Variants in TRPM8 observed in about 807,000 individuals in gnomAD.
TRPM8 encodes the protein transient receptor potential cation channel subfamily M member 8.
TRPM8 carries 110 observed loss-of-function variants against 133.7 expected under a neutral mutation model. The observed-to-expected ratio is 0.82, with a 90% CI of 0.70 to 0.96. The LOEUF is 0.96. Ranked by LOEUF, TRPM8 falls within the 40% of genes least tolerant of loss-of-function variation. TRPM8 has a pLI of 0.00. For missense variants in TRPM8, 1,291 were observed against 1,379.5 expected (o/e 0.94, Z 1.02); for synonymous variants, 535 against 532.3 (o/e 1.01, Z -0.07).
chr2:233,960,056 T>C (rs1404684241), intron 11 of TRPM8, among the ~76,000 whole-genome samples: 1 of 152,014 alleles, frequency 6.6e-6, no homozygotes, highest in Non-Finnish European at 1.5e-5. Context: ...ATGCTGGTGA[T>C]CTTTCTTAAG....
chr2:233,979,072 G>A (rs1409979394), intron 17 of TRPM8, among the ~76,000 whole-genome samples: 1 of 152,124 alleles, frequency 6.6e-6, no homozygotes, highest in Non-Finnish European at 1.5e-5. Flanking sequence ...AGCCTCTCTA[G>A]GCTGTGATTT....
At chr2:233,939,812 C>G (rs1690860459) in intron 5 of TRPM8, among the ~76,000 whole-genome samples, 1 of 152,146 alleles carries the variant, frequency 6.6e-6, no homozygotes, top group South Asian at 2.1e-4. Context: ...TGGGGGGAAC[C>G]GTTGAAAGCA....
Position 233,976,980 on chromosome 2 carries a change from A to G in TRPM8, c.2356-3208A>G, listed in dbSNP as rs934354147. Reference sequence around the variant, plus strand: ...GGTGCTGTCTTAATTAACCTAGTTTACACTTGTTAGGGGAAAAAAAGAAAA... The same window carrying G: ...GGTGCTGTCTTAATTAACCTAGTTTGCACTTGTTAGGGGAAAAAAAGAAAA... On this transcript the variant is annotated intron_variant, in intron 17 of 25. Transcript: ENST00000324695. Among the ~76,000 whole-genome samples, 5 of 152,100 alleles carry G rather than the reference A, an allele frequency of 3.3e-5. 1 individual carries two copies. Among genetic ancestry groups the G allele is most frequent in the African/African-American group, 1.2e-4 (5 of 41,418 alleles).
chr2:233,951,867 A>C (rs944939212), intron 9 of TRPM8, among the ~76,000 whole-genome samples: 2 of 152,180 alleles, frequency 1.3e-5, no homozygotes, highest in African/African-American at 4.8e-5. Flanking sequence ...ATTCAGGCAA[A>C]TATTAATTAG....
intron 5 of TRPM8, among the ~76,000 whole-genome samples, chr2:233,939,704 T>C (rs1010869299): frequency 2.0e-5 from 3 of 152,256 alleles, no homozygotes; most frequent in African/African-American, 7.2e-5. Flanking sequence ...GCAAGAATAA[T>C]GCAATGAACA....
chr2:233,918,953 G>T (rs1423928938), intron 1 of TRPM8, among the ~76,000 whole-genome samples: 2 of 152,090 alleles, frequency 1.3e-5, no homozygotes, highest in Non-Finnish European at 2.9e-5. Context: ...TTGGTGTGGG[G>T]CCCTTTGGAG....
intron 25 of TRPM8, among the ~76,000 whole-genome samples, chr2:234,014,977 A>G (rs1692924188): frequency 6.6e-6 from 1 of 152,182 alleles, no homozygotes; most frequent in African/African-American, 2.4e-5. Context: ...ACAAGGTCAC[A>G]CTGTTCCAAG....
chr2:233,972,148 A>G (rs1244134225), intron 17 of TRPM8, among the ~76,000 whole-genome samples: 7 of 152,068 alleles, frequency 4.6e-5, no homozygotes, highest in Non-Finnish European at 7.4e-5. Flanking sequence ...ACAAACCTTG[A>G]GCTAGATACA....
intron 12 of TRPM8, 107 bp downstream of exon 12, chr2:233,961,173 A>C: frequency 8.9e-7 from 1 of 1,120,074 alleles, no homozygotes; most frequent in Non-Finnish European, 1.3e-6. Context: ...TAAAATACTT[A>C]ACACACTGAC....
intron 18 of TRPM8, among the ~76,000 whole-genome samples, chr2:233,980,709 G>T (rs1048859819): frequency 6.6e-6 from 1 of 152,168 alleles, no homozygotes; most frequent in East Asian, 1.9e-4. Flanking sequence ...TGATTTGAAT[G>T]CTGGCTGTGG....
intron 21 of TRPM8, among the ~76,000 whole-genome samples, chr2:233,986,141 T>C (rs1056286328): frequency 6.6e-6 from 1 of 152,258 alleles, no homozygotes; most frequent in African/African-American, 2.4e-5. Flanking sequence ...GCAAGCTCTT[T>C]GGAGCTCCAT....
chr2:233,958,457 A>G (rs1352776765), intron 11 of TRPM8, among the ~76,000 whole-genome samples: 1 of 152,100 alleles, frequency 6.6e-6, no homozygotes, highest in African/African-American at 2.4e-5. Context: ...GTTACCTTGG[A>G]AATCACCAGG....
chr2:234,010,199 T>C (rs1308735528), intron 24 of TRPM8, among the ~76,000 whole-genome samples: 7 of 152,194 alleles, frequency 4.6e-5, no homozygotes, highest in Non-Finnish European at 7.3e-5. Context: ...TTTGACTCTT[T>C]TAGATTTCAC....
intron 25 of TRPM8, 25 bp downstream of exon 25, chr2:234,014,679 C>A: frequency 1.2e-6 from 1 of 861,072 alleles, no homozygotes; most frequent in Non-Finnish European, 1.8e-6. Flanking sequence ...TAGCTTTTTA[C>A]TTTGCTCTGA....
intron 22 of TRPM8, among the ~76,000 whole-genome samples, chr2:234,005,927 T>TAC (rs35379195): frequency 0.18 from 24,559 of 135,870 alleles, 2,228 homozygotes; most frequent in East Asian, 0.26. Context: ...AAACGTCATC[T>TAC]ACACACACAC....
chr2:233,981,268 G>T (rs1420252103), intron 18 of TRPM8, among the ~76,000 whole-genome samples: 2 of 152,110 alleles, frequency 1.3e-5, no homozygotes, highest in East Asian at 1.9e-4. Flanking sequence ...GCCACAGTTG[G>T]TTGGATATGA....
intron 1 of TRPM8, among the ~76,000 whole-genome samples, chr2:233,924,244 G>C (rs1262789653): frequency 1.3e-5 from 2 of 152,184 alleles, no homozygotes; most frequent in East Asian, 3.9e-4. Context: ...TGTTTCCAGG[G>C]AATTTTGGAT....
Position 233,953,977 on chromosome 2 carries a change from G to A in TRPM8, c.1201G>A (p.Asp401Asn), listed in dbSNP as rs767848884. 1.2e-6 allele frequency: 2 copies of A among 1,613,868 alleles called. No individual in the cohort carries two copies. The highest frequency in any genetic ancestry group is 2.2e-5 in the East Asian group (1 of 44,888). The change falls in exon 10 of 26, where the codon GAT becomes AAT. Residue 401 changes from aspartate (D) to asparagine (N), a missense_variant. This residue lies in a region of TRPM8 where 963 missense variants were observed against 968.9 expected (regional missense o/e 0.99). Coordinates refer to ENST00000324695, the MANE Select transcript of TRPM8 (RefSeq NM_024080.5). ...AGTTATTAAAATGGAAGAAGCTGGG[G>A]ATGAAATTGTGAGCAATGCCATCTC... ...LTVIKMEEAG[D>N]EIVSNAISYA...
intron 25 of TRPM8, among the ~76,000 whole-genome samples, chr2:234,015,272 A>G (rs1692931124): frequency 6.6e-6 from 1 of 152,134 alleles, no homozygotes; most frequent in African/African-American, 2.4e-5. Flanking sequence ...TTACCTGTCC[A>G]AATCTTGAAA....
Sources: allele counts gnomAD v4.1 joint callset (sites outside exome capture counted in the v4.1 genomes callset), GRCh38; gene constraint gnomAD v4.1.1; regional missense constraint gnomAD v4.1.1; transcripts MANE v1.5; gene names NCBI Gene and HGNC (gene_info 2026-07-23, HGNC 2026-07-21).